Variants in WDFY1 observed in about 807,000 individuals in gnomAD.
WDFY1 encodes the protein WD repeat and FYVE domain containing 1, also known as WD repeat and FYVE domain-containing protein 1.
WDFY1 carries 32 observed loss-of-function variants against 56.4 expected under a neutral mutation model. The observed-to-expected ratio is 0.57, with a 90% CI of 0.43 to 0.76. The LOEUF (loss-of-function observed/expected upper bound fraction) is 0.76, where lower values mean the gene tolerates loss of function less well. Among genes scored for constraint, WDFY1 ranks in the 30% least tolerant of loss-of-function variants. The probability of loss-of-function intolerance (pLI) is 0.00; values close to 1 mark genes in which losing one functional copy is unlikely to be tolerated. For missense variants in WDFY1, 480 were observed against 545.7 expected (o/e 0.88, Z 1.20); for synonymous variants, 192 against 197.3 (o/e 0.97, Z 0.23).
intron 1 of WDFY1, among the ~76,000 whole-genome samples, chr2:223,944,455 T>C (rs1212929120): frequency 1.5e-5 from 2 of 133,190 alleles, no homozygotes; most frequent in African/African-American, 2.8e-5. Context: ...GAGGGGCGCG[T>C]TGGTGCGCAC....
At chr2:223,926,531 T>A (rs1410601214) in intron 1 of WDFY1, among the ~76,000 whole-genome samples, 2 of 152,166 alleles carry the variant, frequency 1.3e-5, no homozygotes, top group Non-Finnish European at 2.9e-5. Context: ...AAAACAACAT[T>A]AATCTCATGG....
intron 1 of WDFY1, among the ~76,000 whole-genome samples, chr2:223,926,456 CTTGAAAG>C (rs1693980194): frequency 6.6e-6 from 1 of 152,050 alleles, no homozygotes; most frequent in Admixed American, 6.6e-5. Context: ...AATCACAAAA[CTTGAAAG>C]TTGAAATTAC....
At chr2:223,926,500 G>C (rs1048854834) in intron 1 of WDFY1, among the ~76,000 whole-genome samples, 1 of 152,020 alleles carries the variant, frequency 6.6e-6, no homozygotes, top group Non-Finnish European at 1.5e-5. Flanking sequence ...TACAGAATGA[G>C]TGTTGTATTA....
At chr2:223,941,992 A>C (rs1689312696) in intron 1 of WDFY1, among the ~76,000 whole-genome samples, 1 of 152,074 alleles carries the variant, frequency 6.6e-6, no homozygotes, top group South Asian at 2.1e-4. Context: ...TCAAACGCCA[A>C]CCCCATCCTG....
At chr2:223,882,103 G>A (rs1277166880) in intron 9 of WDFY1, 31 bp from the exon 10 acceptor site, 1 of 1,601,712 alleles carries the variant, frequency 6.2e-7, no homozygotes, top group Non-Finnish European at 8.5e-7. Flanking sequence ...AGGAAAACAG[G>A]GTGTTAGCTT....
intron 2 of WDFY1, among the ~76,000 whole-genome samples, chr2:223,917,153 G>A (rs755276126): frequency 3.9e-5 from 6 of 152,114 alleles, no homozygotes; most frequent in African/African-American, 7.2e-5. Flanking sequence ...AAGATTCATC[G>A]TCCAGATTTA....
intron 4 of WDFY1, among the ~76,000 whole-genome samples, chr2:223,904,209 G>A (rs764766002): frequency 1.6e-4 from 24 of 152,056 alleles, no homozygotes; most frequent in Non-Finnish European, 2.9e-4. Context: ...CATACTCCAA[G>A]GACAAATGTA....
intron 1 of WDFY1, among the ~76,000 whole-genome samples, chr2:223,927,935 G>A (rs942410395): frequency 6.6e-6 from 1 of 152,178 alleles, no homozygotes; most frequent in African/African-American, 2.4e-5. Context: ...AAGGGGGAAA[G>A]GAGGGAGGCA....
At chr2:223,903,002 T>A (rs1379331098) in intron 4 of WDFY1, among the ~76,000 whole-genome samples, 1 of 152,186 alleles carries the variant, frequency 6.6e-6, no homozygotes, top group Non-Finnish European at 1.5e-5. Context: ...TCCTTTCTGC[T>A]GTTTGGTTTT....
intron 8 of WDFY1, among the ~76,000 whole-genome samples, chr2:223,893,665 G>C (rs1245031127): frequency 6.6e-6 from 1 of 152,098 alleles, no homozygotes; most frequent in Non-Finnish European, 1.5e-5. Flanking sequence ...AGAAATTAAG[G>C]CACTTAACCA....
intron 11 of WDFY1, among the ~76,000 whole-genome samples, chr2:223,879,675 G>A (rs1693033835): frequency 6.6e-6 from 1 of 151,956 alleles, no homozygotes; most frequent in African/African-American, 2.4e-5. Context: ...AAAAAAGAGT[G>A]GTACTAAGTA....
chr2:223,927,195 T>C (rs1415044618), intron 1 of WDFY1, among the ~76,000 whole-genome samples: 1 of 152,216 alleles, frequency 6.6e-6, no homozygotes, highest in African/African-American at 2.4e-5. Flanking sequence ...ACCAGCTGCA[T>C]TAGCCACAGA....
At chr2:223,945,049 G>A (rs2106109348) in intron 1 of WDFY1, 99 bp downstream of exon 1, 7 of 1,365,124 alleles carry the variant, frequency 5.1e-6, no homozygotes, top group East Asian at 2.9e-5. Context: ...GCTGCCGGGG[G>A]AGCCCCCTCA....
intron 3 of WDFY1, 65 bp downstream of exon 3, chr2:223,912,188 A>C: frequency 1.3e-6 from 2 of 1,485,218 alleles, no homozygotes; most frequent in Non-Finnish European, 1.8e-6. Flanking sequence ...AATATGGGAC[A>C]TGGGAGGTCA....
At chr2:223,928,325 A>AT (rs1694019089) in intron 1 of WDFY1, among the ~76,000 whole-genome samples, 1 of 152,308 alleles carries the variant, frequency 6.6e-6, no homozygotes, top group Admixed American at 6.5e-5. Context: ...ATATAACTAA[A>AT]TTATGCAACC....
intron 3 of WDFY1, among the ~76,000 whole-genome samples, chr2:223,906,534 TTTTA>T (rs146340023): frequency 6.6e-6 from 1 of 152,094 alleles, no homozygotes; most frequent in African/African-American, 2.4e-5. Flanking sequence ...ATTTTCCAAA[TTTTA>T]TTTATTTATT....
intron 4 of WDFY1, among the ~76,000 whole-genome samples, chr2:223,902,053 T>C (rs574677279): frequency 5.0e-4 from 76 of 152,354 alleles, no homozygotes; most frequent in African/African-American, 1.8e-3. Context: ...ATGTAGTAGA[T>C]GTTTAATAAG....
chr2:223,936,847 A>T (rs540683510), intron 1 of WDFY1, among the ~76,000 whole-genome samples: 50 of 152,310 alleles, frequency 3.3e-4, no homozygotes, highest in African/African-American at 1.2e-3. Flanking sequence ...GTCTCTAAGG[A>T]GCTTCCCTGA....
chr2:223,893,602 G>C (rs1476357213), intron 8 of WDFY1, among the ~76,000 whole-genome samples: 1 of 152,002 alleles, frequency 6.6e-6, no homozygotes, highest in African/African-American at 2.4e-5. Flanking sequence ...AGACAACTGA[G>C]AAGTCATTTC....
Sources: allele counts gnomAD v4.1 joint callset (sites outside exome capture counted in the v4.1 genomes callset), GRCh38; gene constraint gnomAD v4.1.1; transcripts MANE v1.5; gene names NCBI Gene and HGNC (gene_info 2026-07-23, HGNC 2026-07-21).